PREX2: variants seen among roughly 807,000 people sequenced by gnomAD.
The protein encoded by PREX2 is phosphatidylinositol 3,4,5-trisphosphate-dependent Rac exchanger 2 protein.
A neutral mutation model predicts 203.2 loss-of-function variants in PREX2; 107 were observed. That is an observed-to-expected ratio of 0.53 (90% CI 0.45 to 0.62). The LOEUF (loss-of-function observed/expected upper bound fraction) is 0.62, where lower values mean the gene tolerates loss of function less well. Ranked by LOEUF, PREX2 falls within the 20% of genes least tolerant of loss-of-function variation. The probability of loss-of-function intolerance (pLI) is 0.00; values close to 1 mark genes in which losing one functional copy is unlikely to be tolerated. For missense variants in PREX2, 1,777 were observed against 1,955.9 expected, an observed-to-expected ratio of 0.91 and a Z score of 1.72; for synonymous variants, 672 against 663.6, an observed-to-expected ratio of 1.01 and a Z score of -0.19.
At chr8:68,096,183 C>T (rs1480103051) in intron 21 of PREX2, among the ~76,000 whole-genome samples, 4 of 152,090 alleles carry the variant, frequency 2.6e-5, no homozygotes, top group African/African-American at 9.7e-5. Context: ...TGGAATAAAT[C>T]AACGTTGGTG....
At chr8:68,135,104 T>TAC (rs1811089953) in intron 32 of PREX2, among the ~76,000 whole-genome samples, 2 of 147,412 alleles carry the variant, frequency 1.4e-5, no homozygotes, top group African/African-American at 4.9e-5. Flanking sequence ...AAATTTTGTG[T>TAC]GTGTGTGTGT....
chr8:68,120,700 G>A (rs1342677787), intron 29 of PREX2, among the ~76,000 whole-genome samples: 1 of 152,120 alleles, frequency 6.6e-6, no homozygotes, highest in Admixed American at 6.6e-5. Context: ...GATAATGAAA[G>A]TAGAGTTTTC....
intron 1 of PREX2, among the ~76,000 whole-genome samples, chr8:67,974,864 A>G (rs905774344): frequency 6.6e-6 from 1 of 152,168 alleles, no homozygotes; most frequent in Non-Finnish European, 1.5e-5. Context: ...GATATAAACA[A>G]TTGGATATTA....
rs1192583427 is a variant in PREX2, at chr8:68,204,678, C to CTTTTTTTTTTTTTTT, written c.4604+12163_4604+12177dup. On this transcript the variant is annotated intron_variant, in intron 37 of 39. Transcript: ENST00000288368. ...TTCTTTTCTTTTTTCTTTCTTCTTT[C>CTTTTTTTTTTTTTTT]TTTTTTTTTTTTTTTTTTTTTTTTG... is the stretch of plus-strand genomic sequence containing the variant. Among the ~76,000 whole-genome samples the CTTTTTTTTTTTTTTT allele has an allele frequency of 3.6e-5, 3 of 83,426 alleles. 1 individual carries two copies. The highest frequency in any genetic ancestry group is 5.1e-5 in the African/African-American group (1 of 19,632). 54.7% of individuals were successfully genotyped at this position (83,426 alleles called of 152,430 possible).
intron 1 of PREX2, among the ~76,000 whole-genome samples, chr8:68,016,817 A>G (rs1267133066): frequency 6.6e-6 from 1 of 152,082 alleles, no homozygotes; most frequent in Admixed American, 6.6e-5. Context: ...AGGTCTTGCT[A>G]TGTTGCCGAG....
At chr8:68,065,844 A>G (rs755722670) in intron 11 of PREX2, among the ~76,000 whole-genome samples, 5 of 152,208 alleles carry the variant, frequency 3.3e-5, no homozygotes, top group Non-Finnish European at 7.4e-5. Context: ...GTATAAAACA[A>G]CTTAGCCTGA....
intron 10 of PREX2, among the ~76,000 whole-genome samples, chr8:68,058,571 T>A (rs1467043564): frequency 2.0e-5 from 3 of 151,654 alleles, no homozygotes; most frequent in Non-Finnish European, 4.4e-5. Flanking sequence ...GTGGCTGGGA[T>A]TACAGGTGCA....
intron 8 of PREX2, among the ~76,000 whole-genome samples, chr8:68,045,419 CT>C (rs1384032127): frequency 6.6e-6 from 1 of 152,040 alleles, no homozygotes; most frequent in Non-Finnish European, 1.5e-5. Flanking sequence ...CTCCCTCCAC[CT>C]CTCACATACC....
intron 38 of PREX2, among the ~76,000 whole-genome samples, chr8:68,221,155 C>T (rs575464428): frequency 8.5e-5 from 13 of 152,282 alleles, no homozygotes; most frequent in African/African-American, 2.9e-4. Flanking sequence ...CTTAGGATAA[C>T]GGCCTCCAGC....
In PREX2 at chr8:68,071,038, A is replaced by G. The variant is rs189591349; in HGVS notation, c.1493+1154A>G. 2.0e-5 allele frequency among the ~76,000 whole-genome samples: 3 copies of G among 152,314 alleles called. No individual in the cohort carries two copies. In the East Asian group the frequency reaches 5.8e-4, roughly 29 times the overall value. Reference sequence around the variant, plus strand: ...CTTAATAGCAATTGGGTACTTAAATATTCTTTTCTGCTAAACTAAGATAAA... The same window carrying G: ...CTTAATAGCAATTGGGTACTTAAATGTTCTTTTCTGCTAAACTAAGATAAA... On this transcript the variant is annotated intron_variant, in intron 13 of 39. Transcript: ENST00000288368.
At chr8:68,148,393 T>C (rs1177289031) in intron 34 of PREX2, among the ~76,000 whole-genome samples, 1 of 152,236 alleles carries the variant, frequency 6.6e-6, no homozygotes, top group Non-Finnish European at 1.5e-5. Flanking sequence ...TTCTCTCTTT[T>C]CCTTTATTTC....
chr8:68,130,207 T>C (rs1810977835), intron 31 of PREX2, among the ~76,000 whole-genome samples: 1 of 152,030 alleles, frequency 6.6e-6, no homozygotes, highest in South Asian at 2.1e-4. Flanking sequence ...GGAGGATCTC[T>C]TGAGCCTGGG....
chr8:68,124,053 A>G (rs1305111282), intron 30 of PREX2, among the ~76,000 whole-genome samples: 1 of 152,160 alleles, frequency 6.6e-6, no homozygotes, highest in Non-Finnish European at 1.5e-5. Context: ...CATCACATCA[A>G]AAAGCTTACC....
chr8:68,139,745 A>G (rs1178880127), intron 33 of PREX2, among the ~76,000 whole-genome samples: 1 of 152,232 alleles, frequency 6.6e-6, no homozygotes, highest in Non-Finnish European at 1.5e-5. Context: ...ACAGAATATT[A>G]TTAAAGTTTC....
intron 14 of PREX2, among the ~76,000 whole-genome samples, chr8:68,077,109 G>A (rs146325654): frequency 6.6e-6 from 1 of 152,232 alleles, no homozygotes; most frequent in African/African-American, 2.4e-5. Flanking sequence ...GAAATAACAG[G>A]CATCATTTAT....
intron 8 of PREX2, among the ~76,000 whole-genome samples, chr8:68,047,521 A>G (rs1360090258): frequency 7.1e-6 from 1 of 140,540 alleles, no homozygotes; most frequent in African/African-American, 2.7e-5. Flanking sequence ...ATACATATAT[A>G]TATATGTATT....
chr8:68,085,299 G>A (rs1158499552), intron 18 of PREX2, among the ~76,000 whole-genome samples: 1 of 152,058 alleles, frequency 6.6e-6, no homozygotes, highest in Admixed American at 6.6e-5. Flanking sequence ...ATTATATCAA[G>A]AGCATATTTT....
intron 35 of PREX2, among the ~76,000 whole-genome samples, chr8:68,188,642 A>G (rs1554583965): frequency 1.3e-5 from 2 of 152,206 alleles, no homozygotes; most frequent in Non-Finnish European, 1.5e-5. Flanking sequence ...ATGAGGAGCA[A>G]GGTCACATCT....
intron 37 of PREX2, among the ~76,000 whole-genome samples, chr8:68,213,364 C>A (rs891232334): frequency 6.6e-6 from 1 of 152,150 alleles, no homozygotes; most frequent in South Asian, 2.1e-4. Flanking sequence ...AAGGCCCCTC[C>A]CAGAACCTGG....
Sources: gnomAD v4.1 joint callset for allele counts (sites outside exome capture counted in the v4.1 genomes callset) on GRCh38, gnomAD v4.1.1 for gene constraint, MANE v1.5 for transcripts, NCBI Gene and HGNC (gene_info 2026-07-23, HGNC 2026-07-21) for gene names.